The following CTIF variants were observed in gnomAD, a reference collection of about 807,000 sequenced individuals.
CTIF encodes CBP80/20-dependent translation initiation factor.
In CTIF, 21 loss-of-function variants were observed where a neutral mutation model predicts 66.0. The observed-to-expected ratio is 0.32, with a 90% CI of 0.23 to 0.46. The LOEUF (loss-of-function observed/expected upper bound fraction) is 0.46, where lower values mean the gene tolerates loss of function less well. Among genes scored for constraint, CTIF ranks in the 20% least tolerant of loss-of-function variants. The pLI, the probability that CTIF is intolerant of heterozygous loss-of-function variation, is 1.00. For missense variants in CTIF, 739 were observed against 812.7 expected, an observed-to-expected ratio of 0.91 and a Z score of 1.10; for synonymous variants, 345 against 326.4, an observed-to-expected ratio of 1.06 and a Z score of -0.62.
intron 1 of CTIF, among the ~76,000 whole-genome samples, chr18:48,617,897 C>G (rs59372638): frequency 6.6e-6 from 1 of 152,192 alleles, no homozygotes; most frequent in African/African-American, 2.4e-5. Context: ...CCTGCAGCAC[C>G]TCAGAGCTCC....
rs745825021 is a variant in CTIF at position 48,859,520 on chromosome 18, G to A, written c.1758G>A (p.Thr586=). Residue 586 remains threonine (T), a synonymous_variant, in exon 12 of 12, where the codon ACG becomes ACA. Coordinates refer to ENST00000256413, the MANE Select transcript of CTIF (RefSeq NM_014772.3). ...NSWNPLTPPI[T]QYYNRTIQKL... Reference sequence around the variant, plus strand: ...GGAACCCTCTGACGCCCCCCATCACGCAGTACTACAACAGAACCATCCAGA... The same window carrying A: ...GGAACCCTCTGACGCCCCCCATCACACAGTACTACAACAGAACCATCCAGA... The A allele has an allele frequency of 1.8e-5, 29 of 1,614,000 alleles. No individual in the cohort carries two copies. The highest frequency in any genetic ancestry group is 3.3e-4 in the Middle Eastern group (2 of 6,084).
chr18:48,771,145 C>T (rs1282140057), intron 9 of CTIF, among the ~76,000 whole-genome samples: 1 of 152,208 alleles, frequency 6.6e-6, no homozygotes, highest in Non-Finnish European at 1.5e-5. Flanking sequence ...TCCCTGATCT[C>T]CCAGCCCAGG....
chr18:48,766,903 C>G (rs1909615474), intron 9 of CTIF, among the ~76,000 whole-genome samples: 2 of 152,266 alleles, frequency 1.3e-5, no homozygotes. Flanking sequence ...CCATTTCTCT[C>G]TGTCCTCAGC....
At chr18:48,823,976 C>CCA (rs35554666) in intron 10 of CTIF, among the ~76,000 whole-genome samples, 3,076 of 124,182 alleles carry the variant, frequency 0.025, 40 homozygotes, top group South Asian at 0.067. Flanking sequence ...CCTAAAGACT[C>CCA]CACACACACA....
intron 10 of CTIF, among the ~76,000 whole-genome samples, chr18:48,855,482 T>C (rs1374962926): frequency 6.6e-6 from 1 of 152,208 alleles, no homozygotes; most frequent in Non-Finnish European, 1.5e-5. Context: ...TCCCTTGAGT[T>C]GTGGGTTAGG....
intron 1 of CTIF, among the ~76,000 whole-genome samples, chr18:48,593,498 C>T (rs147644345): frequency 1.5e-4 from 23 of 151,394 alleles, no homozygotes; most frequent in African/African-American, 5.6e-4. Context: ...CTCCTGCCTC[C>T]GCCTCCCCGA....
At chr18:48,790,661 G>A (rs1246671624) in intron 9 of CTIF, among the ~76,000 whole-genome samples, 2 of 152,226 alleles carry the variant, frequency 1.3e-5, no homozygotes, top group African/African-American at 4.8e-5. Flanking sequence ...AGGAGCAGAC[G>A]AAGGGAGGAC....
In CTIF at chr18:48,621,680, G is replaced by A. The variant is rs187906166; in HGVS notation, c.180+1935G>A. 8.6e-5 allele frequency: 25 copies of A among 289,130 alleles called. No individual in the cohort carries two copies. In the East Asian group the frequency reaches 1.9e-3, roughly 22 times the overall value. 17.9% of individuals were successfully genotyped at this position (289,130 alleles called of 1,614,324 possible). A position where few individuals can be genotyped will look rare whatever the true frequency, so the allele number is the denominator to read the frequency against. The stretch of plus-strand genomic sequence containing the variant: ...AGAATGGCTGACTGAGCAGGGGGCC[G>A]TGACGGGGAAGTTTCCACTGAGCGG... On this transcript the variant is annotated intron_variant, in intron 2 of 11. Coordinates refer to ENST00000256413, the MANE Select transcript of CTIF (RefSeq NM_014772.3).
chr18:48,845,301 C>G (rs960538338), intron 10 of CTIF, among the ~76,000 whole-genome samples: 3 of 152,184 alleles, frequency 2.0e-5, no homozygotes, highest in African/African-American at 7.2e-5. Context: ...TTCCACTGCC[C>G]CAGTAGCAGC....
intron 1 of CTIF, among the ~76,000 whole-genome samples, chr18:48,608,615 TAGAG>T (rs1399588927): frequency 6.6e-6 from 1 of 151,684 alleles, no homozygotes; most frequent in Non-Finnish European, 1.5e-5. Flanking sequence ...TGAGGATGAG[TAGAG>T]AGAAAGGGTT....
At chr18:48,841,821 G>T (rs2068950492) in intron 10 of CTIF, among the ~76,000 whole-genome samples, 1 of 152,198 alleles carries the variant, frequency 6.6e-6, no homozygotes. Context: ...TCGGGTGGGA[G>T]GGCAGGGTGG....
intron 6 of CTIF, among the ~76,000 whole-genome samples, chr18:48,671,932 T>G (rs2091540717): frequency 2.4e-5 from 1 of 41,930 alleles, no homozygotes; most frequent in Non-Finnish European, 5.0e-5. Context: ...TATTTTTCAT[T>G]TCAGACATTG....
chr18:48,715,275 A>C (rs1282567701), intron 7 of CTIF, among the ~76,000 whole-genome samples: 1 of 152,240 alleles, frequency 6.6e-6, no homozygotes, highest in Non-Finnish European at 1.5e-5. Flanking sequence ...AAGCTCATGG[A>C]CAGTTCAAAG....
intron 3 of CTIF, among the ~76,000 whole-genome samples, chr18:48,638,043 G>A (rs1373115770): frequency 5.3e-5 from 8 of 152,026 alleles, no homozygotes; most frequent in Non-Finnish European, 4.4e-5. Context: ...ACTGCAGGAG[G>A]TGGCCTTCTA....
chr18:48,802,704 G>A (rs777457222), intron 9 of CTIF, among the ~76,000 whole-genome samples: 103 of 152,334 alleles, frequency 6.8e-4, no homozygotes, highest in Non-Finnish European at 1.1e-3. Context: ...AGATCAGGGC[G>A]CCAGCACGGG....
chr18:48,784,141 C>T (rs1227967398), intron 9 of CTIF, among the ~76,000 whole-genome samples: 2 of 152,254 alleles, frequency 1.3e-5, no homozygotes, highest in African/African-American at 2.4e-5. Flanking sequence ...GGAATGCAGA[C>T]AGTACCCAGT....
intron 7 of CTIF, among the ~76,000 whole-genome samples, chr18:48,738,242 C>G (rs1237308411): frequency 6.6e-6 from 1 of 152,236 alleles, no homozygotes; most frequent in Non-Finnish European, 1.5e-5. Context: ...TCCCTCTACT[C>G]CTGCCCGCTG....
intron 1 of CTIF, among the ~76,000 whole-genome samples, chr18:48,583,783 G>A (rs764851365): frequency 6.6e-6 from 1 of 152,222 alleles, no homozygotes; most frequent in Non-Finnish European, 1.5e-5. Flanking sequence ...AGCATGGATG[G>A]ACAGAAGGTA....
At chr18:48,559,406 G>A (rs146160333) in intron 1 of CTIF, among the ~76,000 whole-genome samples, 1 of 152,272 alleles carries the variant, frequency 6.6e-6, no homozygotes, top group East Asian at 1.9e-4. Context: ...GTTACCTGTG[G>A]AAGCAGATAG....
Sources: gnomAD v4.1 joint callset for allele counts (sites outside exome capture counted in the v4.1 genomes callset) on GRCh38, gnomAD v4.1.1 for gene constraint, MANE v1.5 for transcripts, NCBI Gene and HGNC (gene_info 2026-07-23, HGNC 2026-07-21) for gene names.